ATRNL1: variants seen among roughly 807,000 people sequenced by gnomAD.
ATRNL1 encodes the protein attractin-like protein 1.
Under a neutral mutation model 182.7 loss-of-function variants are expected in ATRNL1, and 95 were observed. That is an observed-to-expected ratio of 0.52 (90% CI 0.44 to 0.62). The LOEUF (loss-of-function observed/expected upper bound fraction) is 0.62, where lower values mean the gene tolerates loss of function less well. ATRNL1 is among the 20% of genes least tolerant of loss of function. The probability of loss-of-function intolerance (pLI) is 0.00; values close to 1 mark genes in which losing one functional copy is unlikely to be tolerated. For synonymous variants in ATRNL1, 576 were observed against 568.3 expected (o/e 1.01, Z -0.19); for missense variants, 1,471 against 1,679.5 (o/e 0.88, Z 2.17).
chr10:115,302,803 G>A (rs1028389840), intron 17 of ATRNL1, among the ~76,000 whole-genome samples: 2 of 141,432 alleles, frequency 1.4e-5, no homozygotes, highest in African/African-American at 6.4e-5. Context: ...TAATGCTACT[G>A]GGAGCACTTG....
intron 8 of ATRNL1, among the ~76,000 whole-genome samples, chr10:115,180,925 C>G (rs1391388121): frequency 6.6e-6 from 1 of 151,884 alleles, no homozygotes; most frequent in Non-Finnish European, 1.5e-5. Flanking sequence ...TCTGTTGACT[C>G]TGTTGTCACT....
At chr10:115,804,415 T>A (rs1305246661) in intron 27 of ATRNL1, among the ~76,000 whole-genome samples, 1 of 152,104 alleles carries the variant, frequency 6.6e-6, no homozygotes, top group African/African-American at 2.4e-5. Context: ...GTTGGGGCCC[T>A]CATAAATGGC....
chr10:115,240,830 CATTT>C (rs1270063822), intron 9 of ATRNL1, among the ~76,000 whole-genome samples: 3 of 151,774 alleles, frequency 2.0e-5, no homozygotes, highest in Non-Finnish European at 4.4e-5. Context: ...ATTAAAAGAA[CATTT>C]ATATTAATTT....
At chr10:115,561,081 T>G (rs186424808) in intron 26 of ATRNL1, among the ~76,000 whole-genome samples, 1 of 152,252 alleles carries the variant, frequency 6.6e-6, no homozygotes, top group Admixed American at 6.5e-5. Flanking sequence ...AAAATCTTCT[T>G]GATCTTTCAG....
At chr10:115,848,960 C>T (rs182203942) in intron 28 of ATRNL1, among the ~76,000 whole-genome samples, 213 of 152,316 alleles carry the variant, frequency 1.4e-3, no homozygotes, top group Middle Eastern at 6.8e-3. Flanking sequence ...TCTTTTCTTA[C>T]TTCCCTACTT....
chr10:115,363,793 T>C (rs1483075249), intron 19 of ATRNL1, among the ~76,000 whole-genome samples: 3 of 148,620 alleles, frequency 2.0e-5, no homozygotes, highest in Non-Finnish European at 3.0e-5. Context: ...CCCCATTGCT[T>C]GTTTTTCTCA....
At chr10:115,351,012 T>C (rs1413092550) in intron 19 of ATRNL1, among the ~76,000 whole-genome samples, 2 of 152,168 alleles carry the variant, frequency 1.3e-5, no homozygotes, top group African/African-American at 4.8e-5. Flanking sequence ...TATTTGTAGC[T>C]ATTTTAAATG....
intron 26 of ATRNL1, among the ~76,000 whole-genome samples, chr10:115,673,707 T>TA (rs560619162): frequency 1.3e-5 from 2 of 152,120 alleles, no homozygotes; most frequent in Non-Finnish European, 2.9e-5. Context: ...TCCTATCCCA[T>TA]ATATTCTTCT....
intron 21 of ATRNL1, among the ~76,000 whole-genome samples, chr10:115,444,576 A>C (rs1846864538): frequency 6.6e-6 from 1 of 150,654 alleles, no homozygotes; most frequent in Admixed American, 6.6e-5. Context: ...TCTGTCATCT[A>C]TTCACCTTTT....
chr10:115,653,737 A>G (rs1860152326), intron 26 of ATRNL1, among the ~76,000 whole-genome samples: 1 of 152,022 alleles, frequency 6.6e-6, no homozygotes, highest in Non-Finnish European at 1.5e-5. Context: ...TCTCTCCCCA[A>G]CACTCTAAGC....
chr10:115,119,971 A>G (rs527533140), intron 1 of ATRNL1, among the ~76,000 whole-genome samples: 1 of 152,140 alleles, frequency 6.6e-6, no homozygotes, highest in Non-Finnish European at 1.5e-5. Context: ...GTCATGATAT[A>G]TTAAGATTTA....
At chr10:115,825,930 G>T in intron 27 of ATRNL1, among the ~76,000 whole-genome samples, 3 of 152,154 alleles carry the variant, frequency 2.0e-5, no homozygotes, top group Middle Eastern at 6.8e-3. Flanking sequence ...AGTGCCTAGC[G>T]CAATGGTGCA....
intron 14 of ATRNL1, 135 bp from the exon 15 acceptor site, chr10:115,286,081 A>G (rs1254626509): frequency 3.8e-6 from 2 of 532,488 alleles, no homozygotes; most frequent in Non-Finnish European, 6.5e-6. Flanking sequence ...AGAAAAATTT[A>G]TTTGAAATAT....
At chr10:115,565,083 A>G (rs1428083669) in intron 26 of ATRNL1, among the ~76,000 whole-genome samples, 1 of 151,978 alleles carries the variant, frequency 6.6e-6, no homozygotes, top group African/African-American at 2.4e-5. Context: ...TTTTAGAGAG[A>G]TATTTTTAAG....
At chr10:115,871,207 C>T (rs570817712) in intron 28 of ATRNL1, among the ~76,000 whole-genome samples, 1 of 152,040 alleles carries the variant, frequency 6.6e-6, no homozygotes, top group South Asian at 2.1e-4. Flanking sequence ...GGGACAAGGA[C>T]CATTAGCATT....
At chr10:115,218,109 T>A (rs1849300766) in intron 9 of ATRNL1, among the ~76,000 whole-genome samples, 1 of 151,950 alleles carries the variant, frequency 6.6e-6, no homozygotes, top group South Asian at 2.1e-4. Context: ...TAATATATAA[T>A]GAAACAATTA....
chr10:115,650,142 C>T (rs559964790), intron 26 of ATRNL1, among the ~76,000 whole-genome samples: 135 of 152,156 alleles, frequency 8.9e-4, no homozygotes, highest in Middle Eastern at 3.4e-3. Context: ...TGGCCACTGG[C>T]AACTTAATAC....
At chr10:115,683,513 C>T (rs1946116393) in intron 26 of ATRNL1, among the ~76,000 whole-genome samples, 1 of 142,914 alleles carries the variant, frequency 7.0e-6, no homozygotes, top group Non-Finnish European at 1.5e-5. Flanking sequence ...AGAAACCCTA[C>T]AAGCAAGGTA....
intron 27 of ATRNL1, among the ~76,000 whole-genome samples, chr10:115,798,814 CTT>C (rs1168777540): frequency 2.1e-5 from 3 of 139,746 alleles, no homozygotes; most frequent in Non-Finnish European, 3.0e-5. Flanking sequence ...CTTTTTTTTT[CTT>C]TTTTTTCTTT....
Sources: gnomAD v4.1 joint callset for allele counts (sites outside exome capture counted in the v4.1 genomes callset) on GRCh38, gnomAD v4.1.1 for gene constraint, MANE v1.5 for transcripts, NCBI Gene and HGNC (gene_info 2026-07-23, HGNC 2026-07-21) for gene names.